KCMF1: variants seen among roughly 807,000 people sequenced by gnomAD.
KCMF1 encodes the protein E3 ubiquitin-protein ligase KCMF1.
In KCMF1, 3 loss-of-function variants were observed where a neutral mutation model predicts 41.1. The ratio of observed to expected loss-of-function variants is 0.07; its 90% confidence interval spans 0.03 to 0.19. KCMF1 has a LOEUF of 0.19. Ranked by LOEUF, KCMF1 falls within the 10% of genes least tolerant of loss-of-function variation. The probability of loss-of-function intolerance (pLI) is 1.00; values close to 1 mark genes in which losing one functional copy is unlikely to be tolerated. For missense variants in KCMF1, 286 were observed against 488.9 expected (o/e 0.58, Z 3.91); for synonymous variants, 142 against 164.5 (o/e 0.86, Z 1.04).
At chr2:85,025,620 T>C (rs1675084193) in intron 1 of KCMF1, among the ~76,000 whole-genome samples, 1 of 152,098 alleles carries the variant, frequency 6.6e-6, no homozygotes. Context: ...ATTTTTTTGG[T>C]TTTTTGAGAT....
At chr2:84,993,119 G>A (rs1241956350) in intron 1 of KCMF1, among the ~76,000 whole-genome samples, 5 of 151,922 alleles carry the variant, frequency 3.3e-5, no homozygotes, top group Admixed American at 6.6e-5. Context: ...CCCAGGAGGT[G>A]GAGGCTGTGG....
intron 1 of KCMF1, among the ~76,000 whole-genome samples, chr2:84,984,756 G>A (rs1167245855): frequency 6.6e-6 from 1 of 152,120 alleles, no homozygotes; most frequent in Non-Finnish European, 1.5e-5. Context: ...GGAGGCAGAG[G>A]TTGCGGTGAG....
chr2:84,973,699 A>G (rs1293781333), intron 1 of KCMF1, among the ~76,000 whole-genome samples: 1 of 151,812 alleles, frequency 6.6e-6, no homozygotes. Flanking sequence ...TAAGACTTTG[A>G]CCTATCAGTA....
At chr2:85,019,373 A>G (rs188731819) in intron 1 of KCMF1, among the ~76,000 whole-genome samples, 10 of 152,306 alleles carry the variant, frequency 6.6e-5, no homozygotes, top group Admixed American at 2.0e-4. Context: ...AAAGGGGACA[A>G]TGGGCTACTG....
chr2:84,974,584 A>C (rs1673484353), intron 1 of KCMF1, among the ~76,000 whole-genome samples: 1 of 148,292 alleles, frequency 6.7e-6, no homozygotes, highest in Non-Finnish European at 1.5e-5. Flanking sequence ...AAGCAGCTAT[A>C]GACAACCTGT....
At chr2:84,988,779 T>C (rs1574008803) in intron 1 of KCMF1, among the ~76,000 whole-genome samples, 1 of 152,336 alleles carries the variant, frequency 6.6e-6, no homozygotes, top group African/African-American at 2.4e-5. Context: ...TTCATTCATG[T>C]TTAGTTGAGA....
At chr2:84,976,632 AAAAAAAAAAC>A (rs201362208) in intron 1 of KCMF1, among the ~76,000 whole-genome samples, 4,512 of 151,884 alleles carry the variant, frequency 0.03, 215 homozygotes, top group African/African-American at 0.1. Context: ...TTTCTTTAAA[AAAAAAAAAAC>A]AAAAAAAAAC....
chr2:85,015,720 C>T (rs1674753259), intron 1 of KCMF1, among the ~76,000 whole-genome samples: 1 of 152,198 alleles, frequency 6.6e-6, no homozygotes, highest in Non-Finnish European at 1.5e-5. Context: ...CAGATTTGAA[C>T]CAGCTTTAAA....
chr2:84,993,901 TTTTTTGTTTTG>T (rs1463249575), intron 1 of KCMF1, among the ~76,000 whole-genome samples: 6 of 127,214 alleles, frequency 4.7e-5, no homozygotes, highest in Admixed American at 4.3e-4. Flanking sequence ...AGTTTGAACA[TTTTTTGTTTTG>T]TTTTGTTTTG....
chr2:85,026,895 G>T lies in KCMF1; in HGVS notation c.17-994G>T, dbSNP rs532943652. 7.4e-4 allele frequency among the ~76,000 whole-genome samples: 112 copies of T among 152,222 alleles called. 1 individual carries two copies. Among genetic ancestry groups the T allele is most frequent in the African/African-American group, 2.6e-3 (107 of 41,562 alleles). On this transcript the variant is annotated intron_variant, in intron 1 of 6. Transcript: ENST00000409785. ...CTTTCTGATGGTGCTTTGTTTTTTT[G>T]TGTGTATTTTATGGTTTAAATTATG... is the stretch of plus-strand genomic sequence containing the variant.
At chr2:84,987,433 G>A (rs1382909230) in intron 1 of KCMF1, among the ~76,000 whole-genome samples, 1 of 152,102 alleles carries the variant, frequency 6.6e-6, no homozygotes, top group African/African-American at 2.4e-5. Context: ...GGAACAGAAA[G>A]AAAAAAGATG....
At chr2:85,000,164 C>A (rs960956473) in intron 1 of KCMF1, among the ~76,000 whole-genome samples, 5 of 152,026 alleles carry the variant, frequency 3.3e-5, no homozygotes, top group African/African-American at 1.2e-4. Context: ...GAGATGGAGT[C>A]ACCCAGGCTG....
intron 1 of KCMF1, among the ~76,000 whole-genome samples, chr2:84,984,986 G>C (rs1258213753): frequency 2.6e-5 from 4 of 152,096 alleles, no homozygotes; most frequent in Non-Finnish European, 5.9e-5. Context: ...TGGCCGGCCA[G>C]AGTATGGGCT....
rs962607344 is a variant in KCMF1, at chr2:85,056,125, A to G, written c.*2716A>G. The G allele has an allele frequency of 6.6e-6, 1 of 152,022 alleles. No individual in the cohort carries two copies. Among genetic ancestry groups the G allele is most frequent in the Non-Finnish European group, 1.5e-5 (1 of 68,010 alleles). The allele number at this position is 152,022 out of a possible 1,614,324, so 9.4% of individuals were successfully genotyped here. ...TGCATTGTTTTGTTAAAAAAAAAAA[A>G]ATCCACAGAAGTAGAACCTAGGTTT... On this transcript the variant is annotated 3_prime_UTR_variant, in exon 7 of 7. Transcript: ENST00000409785.
intron 1 of KCMF1, chr2:84,972,174 C>G (rs1413757739): frequency 6.6e-6 from 1 of 152,268 alleles, no homozygotes; most frequent in African/African-American, 2.4e-5. Context: ...AGGGCTCGCT[C>G]CCCGCGGCCC....
chr2:84,971,507 T>C, intron 1 of KCMF1, 40 bp downstream of exon 1: 1 of 1,157,214 alleles, frequency 8.6e-7, no homozygotes, highest in Non-Finnish European at 1.1e-6. Flanking sequence ...CTCCCGGGCC[T>C]CGGCCTACCC....
chr2:85,027,798 T>C (rs149780441), intron 1 of KCMF1, 91 bp from the exon 2 acceptor site: 2 of 727,652 alleles, frequency 2.7e-6, no homozygotes, highest in Non-Finnish European at 4.6e-6. Flanking sequence ...AAAGGACATA[T>C]GAGGTTAAAT....
chr2:84,983,321 A>G (rs1673811230), intron 1 of KCMF1, among the ~76,000 whole-genome samples: 1 of 152,022 alleles, frequency 6.6e-6, no homozygotes, highest in Non-Finnish European at 1.5e-5. Flanking sequence ...TTTTTCTTAC[A>G]AAGTCTTAAA....
At chr2:85,034,498 T>C (rs1440714578) in intron 2 of KCMF1, among the ~76,000 whole-genome samples, 1 of 151,808 alleles carries the variant, frequency 6.6e-6, no homozygotes, top group Non-Finnish European at 1.5e-5. Context: ...GAGGATGGAG[T>C]TGTTTGTCTC....
Sources: allele counts gnomAD v4.1 joint callset (sites outside exome capture counted in the v4.1 genomes callset), GRCh38; gene constraint gnomAD v4.1.1; transcripts MANE v1.5; gene names NCBI Gene and HGNC (gene_info 2026-07-23, HGNC 2026-07-21).